CREBBP: variants seen among roughly 807,000 people sequenced by gnomAD.
CREBBP encodes CREB-binding protein.
CREBBP carries 19 observed loss-of-function variants against 265.0 expected under a neutral mutation model. The observed-to-expected ratio is 0.07, with a 90% CI of 0.05 to 0.11. The LOEUF (loss-of-function observed/expected upper bound fraction) is 0.11. Ranked by LOEUF, CREBBP falls within the 10% of genes least tolerant of loss-of-function variation. CREBBP has a pLI of 1.00. For missense variants in CREBBP, 2,525 were observed against 3,219.0 expected (o/e 0.78, Z 5.22); for synonymous variants, 1,457 against 1,223.7 (o/e 1.19, Z -3.98).
rs1047416046 is a variant in CREBBP, at chr16:3,773,740, G to C, written c.2463+11C>G. 2 of 1,613,446 alleles carry C rather than the reference G, an allele frequency of 1.2e-6. No homozygotes were observed. ...TTCCTAGGGAGCCACGGTCCCAGTG[G>C]GGCACAGTACCTGTGACACGCCTGT... is the stretch of plus-strand genomic sequence containing the variant. On this transcript the variant is annotated intron_variant, in intron 13 of 30. Coordinates refer to ENST00000262367, the MANE Select transcript of CREBBP (RefSeq NM_004380.3).
chr16:3,877,641 T>C lies in CREBBP; in HGVS notation c.85+2191A>G, dbSNP rs559272704. On this transcript the variant is annotated intron_variant, in intron 1 of 30. Coordinates refer to ENST00000262367, the MANE Select transcript of CREBBP (RefSeq NM_004380.3). ...CTGGTCTTGAACTCCTGACCTGAAG[T>C]TGATCCACCAGCCTCCGCCTCCCAA... Among the ~76,000 whole-genome samples, 4 of 152,314 alleles carry C rather than the reference T, an allele frequency of 2.6e-5. No individual in the cohort carries two copies. In the South Asian group the frequency reaches 8.3e-4, roughly 32 times the overall value.
At chr16:3,787,279 C>T (rs1000127237) in intron 5 of CREBBP, among the ~76,000 whole-genome samples, 9 of 152,236 alleles carry the variant, frequency 5.9e-5, no homozygotes, top group South Asian at 2.1e-4. Context: ...CTATCAGGCA[C>T]GGCCACAAGC....
At chr16:3,829,638 G>C (rs2054303739) in intron 2 of CREBBP, among the ~76,000 whole-genome samples, 1 of 152,158 alleles carries the variant, frequency 6.6e-6, no homozygotes, top group South Asian at 2.1e-4. Context: ...CCTGCCCTAA[G>C]TTAAGTTTAA....
At chr16:3,824,735 T>G (rs957842260) in intron 2 of CREBBP, among the ~76,000 whole-genome samples, 1 of 152,124 alleles carries the variant, frequency 6.6e-6, no homozygotes, top group Non-Finnish European at 1.5e-5. Context: ...AGACTACAAC[T>G]GCCAAGCAGG....
At chr16:3,834,616 T>C (rs2054405670) in intron 2 of CREBBP, among the ~76,000 whole-genome samples, 1 of 152,126 alleles carries the variant, frequency 6.6e-6, no homozygotes, top group African/African-American at 2.4e-5. Flanking sequence ...TCATTATACA[T>C]TTGTCCAAGT....
At chr16:3,874,567 C>T (rs772266887) in intron 1 of CREBBP, among the ~76,000 whole-genome samples, 1 of 152,184 alleles carries the variant, frequency 6.6e-6, no homozygotes, top group South Asian at 2.1e-4. Context: ...AACAAGAGAC[C>T]ATATGGCTCA....
intron 5 of CREBBP, among the ~76,000 whole-genome samples, chr16:3,791,766 G>A (rs1341947942): frequency 1.3e-5 from 2 of 152,170 alleles, no homozygotes; most frequent in East Asian, 3.8e-4. Flanking sequence ...GAGAGGCAGT[G>A]AGTGAGTCAG....
At chr16:3,871,233 ACC>A (rs34938285) in intron 1 of CREBBP, among the ~76,000 whole-genome samples, 1 of 135,888 alleles carries the variant, frequency 7.4e-6, no homozygotes, top group Non-Finnish European at 1.6e-5. Flanking sequence ...ACACACACAC[ACC>A]CCACCCTGCA....
At chr16:3,806,847 G>A (rs1255932608) in intron 3 of CREBBP, among the ~76,000 whole-genome samples, 1 of 151,800 alleles carries the variant, frequency 6.6e-6, no homozygotes, top group Non-Finnish European at 1.5e-5. Context: ...GGCCTTTCTG[G>A]ACTTCTACCA....
chr16:3,780,602 C>T (rs1283317197), intron 8 of CREBBP, 130 bp downstream of exon 8: 5 of 944,676 alleles, frequency 5.3e-6, no homozygotes, highest in South Asian at 1.5e-5. Context: ...CAGAACTCTA[C>T]CAGCAGTGAG....
Position 3,766,522 on chromosome 16 carries a change from AT to A in CREBBP, c.3250+1197del, listed in dbSNP as rs2052856321. Reference sequence around the variant, plus strand: ...TTTTAAATGAACTAAATATTTAAAAATTTTTCTCTTTTTTTTTTTCAGACAA... The same window carrying A: ...TTTTAAATGAACTAAATATTTAAAAATTTTCTCTTTTTTTTTTTCAGACAA... On this transcript the variant is annotated intron_variant, in intron 16 of 30. Coordinates refer to ENST00000262367, the MANE Select transcript of CREBBP (RefSeq NM_004380.3). Among the ~76,000 whole-genome samples the A allele has an allele frequency of 5.9e-5, 9 of 151,328 alleles. No homozygotes were observed. In the South Asian group the frequency reaches 1.9e-3, roughly 31 times the overall value.
At chr16:3,754,095 T>A (rs559751144) in intron 19 of CREBBP, among the ~76,000 whole-genome samples, 1 of 151,290 alleles carries the variant, frequency 6.6e-6, no homozygotes, top group Admixed American at 6.6e-5. Context: ...ACTCCCACCC[T>A]GGAAAATCCC....
At chr16:3,875,169 T>C (rs751190888) in intron 1 of CREBBP, among the ~76,000 whole-genome samples, 12 of 152,200 alleles carry the variant, frequency 7.9e-5, no homozygotes, top group Non-Finnish European at 1.3e-4. Context: ...CAATTCTGTT[T>C]ACAGAATCAA....
At chr16:3,739,557 T>TG (rs746008622) in intron 25 of CREBBP, 21 bp downstream of exon 25, 1 of 1,614,032 alleles carries the variant, frequency 6.2e-7, no homozygotes, top group Non-Finnish European at 8.5e-7. Context: ...TGACACGCCC[T>TG]GGAAGGAGCT....
intron 23 of CREBBP, chr16:3,742,106 AAC>A (rs1034857586): frequency 2.0e-5 from 3 of 149,992 alleles, no homozygotes; most frequent in African/African-American, 7.6e-5. Flanking sequence ...ACAAAAAAAA[AAC>A]AAAAAAACCC....
intron 1 of CREBBP, among the ~76,000 whole-genome samples, chr16:3,861,444 G>C (rs2055071444): frequency 6.6e-6 from 1 of 152,126 alleles, no homozygotes; most frequent in Non-Finnish European, 1.5e-5. Context: ...GCACCTATGA[G>C]GGCTGAACCA....
At chr16:3,840,522 C>A (rs551913990) in intron 2 of CREBBP, 21 of 154,456 alleles carry the variant, frequency 1.4e-4, no homozygotes, top group African/African-American at 5.1e-4. Flanking sequence ...TGTGTTGAGA[C>A]ACAATGGACC....
In CREBBP at chr16:3,728,422, G is replaced by GC. The variant is rs757754048; in HGVS notation, c.6624_6625insG (p.Gln2209AlafsTer132). 1.2e-6 allele frequency: 2 copies of GC among 1,612,452 alleles called. No homozygotes were observed. The highest frequency in any genetic ancestry group is 2.7e-5 in the African/African-American group (2 of 74,544). ...CCTTGCTGCTGCTGCTGTTGCTGCT[G>GC]TTGTTGCTGCTGCTGTTGCTGCTGC... is the stretch of plus-strand genomic sequence containing the variant. On this transcript the variant is annotated frameshift_variant, in exon 31 of 31. Transcript: ENST00000262367. LOFTEE classifies it high-confidence loss of function. This position sits in a 1 kb window ranked among gnomAD's most constrained non-coding sequence, Gnocchi z 8.7.
At chr16:3,739,845 C>G (rs780497018) in intron 24 of CREBBP, 121 bp from the exon 25 acceptor site, 2 of 1,403,678 alleles carry the variant, frequency 1.4e-6, no homozygotes, top group Non-Finnish European at 2.0e-6. Context: ...GCCACCTCCT[C>G]AGACCGTGGC....
Sources: allele counts gnomAD v4.1 joint callset (sites outside exome capture counted in the v4.1 genomes callset), GRCh38; gene constraint gnomAD v4.1.1; non-coding constraint Gnocchi (gnomAD v3.1); transcripts MANE v1.5; gene names NCBI Gene and HGNC (gene_info 2026-07-23, HGNC 2026-07-21).